The following NALF1 variants were observed in gnomAD, a reference collection of about 807,000 sequenced individuals.
The protein encoded by NALF1 is family with sequence similarity 155 member A.
In NALF1, 3 loss-of-function variants were observed where a neutral mutation model predicts 48.4. The ratio of observed to expected loss-of-function variants is 0.06; its 90% CI spans 0.03 to 0.16. The LOEUF (loss-of-function observed/expected upper bound fraction) is 0.16, where lower values mean the gene tolerates loss of function less well. NALF1 is among the 10% of genes least tolerant of loss of function. The pLI is 1.00. For synonymous variants in NALF1, 262 were observed against 245.7 expected, an observed-to-expected ratio of 1.07 and a Z score of -0.62; for missense variants, 526 against 571.5, an observed-to-expected ratio of 0.92 and a Z score of 0.81.
intron 1 of NALF1, among the ~76,000 whole-genome samples, chr13:107,587,375 C>T (rs1298489216): frequency 6.6e-6 from 1 of 152,138 alleles, no homozygotes; most frequent in African/African-American, 2.4e-5. Context: ...AATACACTTA[C>T]TGCTAAACTA....
intron 1 of NALF1, among the ~76,000 whole-genome samples, chr13:107,678,415 T>C (rs1357249807): frequency 6.6e-6 from 1 of 152,146 alleles, no homozygotes; most frequent in Admixed American, 6.5e-5. Context: ...CAAAATGCCA[T>C]CGTTACCCAC....
chr13:107,376,379 CTGT>C (rs1264300657), intron 1 of NALF1, among the ~76,000 whole-genome samples: 1 of 152,178 alleles, frequency 6.6e-6, no homozygotes, highest in Non-Finnish European at 1.5e-5. Flanking sequence ...CATTCTTCAA[CTGT>C]TTTTTAGGCA....
At position 107,612,676 on chromosome 13, in the gene NALF1, G is replaced by A. The variant is rs570177058; in HGVS notation, c.915+253006C>T. 9.7e-4 allele frequency among the ~76,000 whole-genome samples: 147 copies of A among 152,064 alleles called. 1 individual carries two copies. The highest frequency in any genetic ancestry group is 1.8e-3 in the Non-Finnish European group (125 of 68,016). ...TCCTTCCTGACTTTTAAACACAGGC[G>A]GGTATACTGGCACTTCATGGACTTC... On this transcript the variant is annotated intron_variant, in intron 1 of 2. Coordinates refer to ENST00000375915, the MANE Select transcript of NALF1 (RefSeq NM_001080396.3).
chr13:107,561,633 A>C (rs1877648662), intron 1 of NALF1, among the ~76,000 whole-genome samples: 2 of 152,194 alleles, frequency 1.3e-5, no homozygotes, highest in Non-Finnish European at 2.9e-5. Flanking sequence ...GAGAACATGC[A>C]AATTGCCTAT....
At chr13:107,658,146 T>C (rs138554173) in intron 1 of NALF1, among the ~76,000 whole-genome samples, 1 of 152,298 alleles carries the variant, frequency 6.6e-6, no homozygotes, top group Non-Finnish European at 1.5e-5. Context: ...TTAGGATGTC[T>C]CTGGGTGTGA....
chr13:107,528,079 G>A (rs1200792259), intron 1 of NALF1, among the ~76,000 whole-genome samples: 1 of 152,050 alleles, frequency 6.6e-6, no homozygotes, highest in Non-Finnish European at 1.5e-5. Context: ...AAAAATGCGA[G>A]TATATATAAA....
chr13:107,506,012 T>C (rs1230979239), intron 1 of NALF1, among the ~76,000 whole-genome samples: 1 of 152,190 alleles, frequency 6.6e-6, no homozygotes, highest in Non-Finnish European at 1.5e-5. Flanking sequence ...CATTTTTCTT[T>C]ATGGGTAATT....
intron 1 of NALF1, among the ~76,000 whole-genome samples, chr13:107,530,883 G>A (rs1489633442): frequency 6.6e-6 from 1 of 151,916 alleles, no homozygotes; most frequent in Non-Finnish European, 1.5e-5. Context: ...AAACCAGCAG[G>A]ATTGCCTGAA....
chr13:107,193,999 CTATCTATCT>C, intron 2 of NALF1, among the ~76,000 whole-genome samples: 1 of 148,278 alleles, frequency 6.7e-6, no homozygotes, highest in East Asian at 2.0e-4. Context: ...ACTTATATAC[CTATCTATCT>C]TATCTATCTA....
At chr13:107,767,150 A>G (rs1446946359) in intron 1 of NALF1, among the ~76,000 whole-genome samples, 1 of 152,198 alleles carries the variant, frequency 6.6e-6, no homozygotes. Flanking sequence ...ACAAAGAAAC[A>G]AAATAAATGT....
intron 1 of NALF1, among the ~76,000 whole-genome samples, chr13:107,440,071 T>C (rs1253839682): frequency 2.0e-5 from 3 of 152,216 alleles, no homozygotes; most frequent in Non-Finnish European, 4.4e-5. Context: ...TCGGTTTATG[T>C]AGAATTAGAG....
At chr13:107,182,226 C>CTGTGTGTGTGTGTGTGTGTG (rs148923366) in intron 2 of NALF1, among the ~76,000 whole-genome samples, 10 of 145,160 alleles carry the variant, frequency 6.9e-5, no homozygotes, top group Admixed American at 2.1e-4. Context: ...TTTATTTATG[C>CTGTGTGTGTGTGTGTGTGTG]TGTGTGTGTG....
intron 1 of NALF1, among the ~76,000 whole-genome samples, chr13:107,283,422 G>T (rs2138874873): frequency 6.6e-6 from 1 of 151,356 alleles, no homozygotes; most frequent in East Asian, 2.0e-4. Flanking sequence ...ATGGGCAAAA[G>T]TTGACAGCAA....
chr13:107,405,084 T>A (rs1198770653), intron 1 of NALF1, among the ~76,000 whole-genome samples: 1 of 152,094 alleles, frequency 6.6e-6, no homozygotes, highest in African/African-American at 2.4e-5. Flanking sequence ...TATGTTAATA[T>A]CCATCATTGA....
intron 1 of NALF1, among the ~76,000 whole-genome samples, chr13:107,687,501 T>C (rs1283951742): frequency 3.1e-5 from 1 of 32,538 alleles, no homozygotes; most frequent in East Asian, 9.0e-4. Context: ...CCAGTGCACA[T>C]GCACACACAC....
chr13:107,482,261 G>T (rs1049149162), intron 1 of NALF1, among the ~76,000 whole-genome samples: 1 of 152,030 alleles, frequency 6.6e-6, no homozygotes, highest in Non-Finnish European at 1.5e-5. Flanking sequence ...GTCTCCAGCC[G>T]TGGCCTCCCC....
chr13:107,445,182 C>T (rs747891676), intron 1 of NALF1, among the ~76,000 whole-genome samples: 29 of 152,156 alleles, frequency 1.9e-4, no homozygotes, highest in Non-Finnish European at 3.5e-4. Context: ...CAAGGAGTCA[C>T]CACCACAATG....
intron 1 of NALF1, among the ~76,000 whole-genome samples, chr13:107,288,946 A>G (rs1232741890): frequency 6.6e-6 from 1 of 152,234 alleles, no homozygotes; most frequent in Admixed American, 6.5e-5. Flanking sequence ...AAGTTAAAAT[A>G]GTAAGTCCAT....
chr13:107,538,904 G>A (rs1023929847), intron 1 of NALF1, among the ~76,000 whole-genome samples: 2 of 151,980 alleles, frequency 1.3e-5, no homozygotes, highest in Non-Finnish European at 2.9e-5. Context: ...AAATAATTTA[G>A]AAATTACTTA....
Sources: gnomAD v4.1 joint callset for allele counts (sites outside exome capture counted in the v4.1 genomes callset) on GRCh38, gnomAD v4.1.1 for gene constraint, MANE v1.5 for transcripts, NCBI Gene and HGNC (gene_info 2026-07-23, HGNC 2026-07-21) for gene names.